KCNQ4: variants seen among roughly 807,000 people sequenced by gnomAD.
KCNQ4 encodes the protein potassium voltage-gated channel subfamily KQT member 4.
A neutral mutation model predicts 72.6 loss-of-function variants in KCNQ4; 31 were observed. The observed-to-expected ratio is 0.43, with a 90% CI of 0.32 to 0.58. The LOEUF (loss-of-function observed/expected upper bound fraction) is 0.58, where lower values mean the gene tolerates loss of function less well. KCNQ4 is among the 20% of genes least tolerant of loss of function. The probability of loss-of-function intolerance (pLI) is 0.08; values close to 1 mark genes in which losing one functional copy is unlikely to be tolerated. For missense variants in KCNQ4, 869 were observed against 962.6 expected, an observed-to-expected ratio of 0.90 and a Z score of 1.29; for synonymous variants, 405 against 403.7, an observed-to-expected ratio of 1.00 and a Z score of -0.04.
At chr1:40,815,244 A>AAG (rs1648047969) in intron 1 of KCNQ4, among the ~76,000 whole-genome samples, 1 of 151,872 alleles carries the variant, frequency 6.6e-6, no homozygotes, top group African/African-American at 2.4e-5. Context: ...ATCTCAAAAA[A>AAG]AAAAAAAAGC....
intron 1 of KCNQ4, among the ~76,000 whole-genome samples, chr1:40,791,115 G>A (rs1647274821): frequency 6.6e-6 from 1 of 152,158 alleles, no homozygotes; most frequent in Non-Finnish European, 1.5e-5. Context: ...TGAGGGCAGG[G>A]AATCCCAAGG....
At position 40,822,414 on chromosome 1, in the gene KCNQ4, T is replaced by C; in HGVS notation, c.1130+12T>C. 7.8e-6 allele frequency: 1 copy of C among 129,020 alleles called. No homozygotes were observed. Among genetic ancestry groups the C allele is most frequent in the South Asian group, 5.0e-5 (1 of 20,058 alleles). The allele number at this position is 129,020 out of a possible 1,614,324, so 8.0% of individuals were successfully genotyped here. A position where few individuals can be genotyped will look rare whatever the true frequency, so the allele number is the denominator to read the frequency against. On this transcript the variant is annotated intron_variant, in intron 8 of 13. Coordinates refer to ENST00000347132, the MANE Select transcript of KCNQ4 (RefSeq NM_004700.4). ...CTCCCATCCTTCAGGTAGGTCCTGC[T>C]GGGGGTGGGGGTGGGTGGGGGGCTG...
chr1:40,813,633 A>C (rs980645275), intron 1 of KCNQ4, among the ~76,000 whole-genome samples: 1 of 152,196 alleles, frequency 6.6e-6, no homozygotes, highest in African/African-American at 2.4e-5. Flanking sequence ...ATTTGGACAC[A>C]CGAGCTGGAC....
intron 1 of KCNQ4, among the ~76,000 whole-genome samples, chr1:40,797,798 A>C (rs566111237): frequency 2.6e-5 from 4 of 152,116 alleles, no homozygotes; most frequent in African/African-American, 7.2e-5. Flanking sequence ...GACTTTGCCT[A>C]TAGGGAAAGT....
chr1:40,802,398 G>A (rs1408532522), intron 1 of KCNQ4, among the ~76,000 whole-genome samples: 1 of 152,198 alleles, frequency 6.6e-6, no homozygotes, highest in Non-Finnish European at 1.5e-5. Flanking sequence ...AAAAGTAGCC[G>A]GCCGGGCGGG....
chr1:40,831,026 C>T, intron 9 of KCNQ4, 58 bp from the exon 10 acceptor site: 1 of 1,460,418 alleles, frequency 6.8e-7, no homozygotes, highest in Non-Finnish European at 9.4e-7. Flanking sequence ...TGTCCCCACT[C>T]ACCCCCACCC....
At chr1:40,822,877 G>A (rs1394911662) in intron 8 of KCNQ4, among the ~76,000 whole-genome samples, 1 of 152,230 alleles carries the variant, frequency 6.6e-6, no homozygotes, top group Non-Finnish European at 1.5e-5. Context: ...TACTGGGCCA[G>A]TCAGCAGCCT....
chr1:40,804,511 T>C (rs1007415904), intron 1 of KCNQ4, among the ~76,000 whole-genome samples: 1 of 152,174 alleles, frequency 6.6e-6, no homozygotes, highest in Non-Finnish European at 1.5e-5. Flanking sequence ...CCACTTCCGC[T>C]TCCCCTCATA....
rs1257741470 is a variant in KCNQ4, at chr1:40,819,442, C to T, written c.804C>T (p.Ser268=). The T allele has an allele frequency of 2.5e-6, 4 of 1,613,896 alleles. No homozygotes were observed. In the South Asian group the frequency reaches 3.3e-5, roughly 13 times the overall value. Residue 268 remains serine (S), a synonymous_variant, in exon 5 of 14, where the codon TCC becomes TCT. Coordinates refer to ENST00000347132, the MANE Select transcript of KCNQ4 (RefSeq NM_004700.4). ...AGAAGGACGCCAACTCCGACTTCTC[C>T]TCCTACGCCGACTCGCTCTGGTGGG... ...LAEKDANSDF[S]SYADSLWWGT...
In KCNQ4 at chr1:40,794,831, C is replaced by G. The variant is rs948946679; in HGVS notation, c.314+10424C>G. 6.6e-6 allele frequency among the ~76,000 whole-genome samples: 1 copy of G among 152,114 alleles called. No homozygotes were observed. The highest frequency in any genetic ancestry group is 1.5e-5 in the Non-Finnish European group (1 of 68,032). On this transcript the variant is annotated intron_variant, in intron 1 of 13. Transcript: ENST00000347132. This position sits in a 1 kb window ranked among gnomAD's most constrained non-coding sequence, Gnocchi z 4.2. ...AAATCCCTGAGTCTGGGCGCCATCC[C>G]GGCTCCTCCCCACTGAGCTGTGGAG...
At chr1:40,833,466 G>A (rs1024821257) in intron 11 of KCNQ4, among the ~76,000 whole-genome samples, 4 of 152,060 alleles carry the variant, frequency 2.6e-5, no homozygotes, top group Non-Finnish European at 5.9e-5. Flanking sequence ...GAAAGCCCCT[G>A]CTCTACTGGC....
At chr1:40,822,483 G>C in intron 8 of KCNQ4, 81 bp downstream of exon 8, 2 of 1,204,352 alleles carry the variant, frequency 1.7e-6, no homozygotes, top group Non-Finnish European at 2.4e-6. Flanking sequence ...CTCAACCCTG[G>C]AGGGTGGAAA....
rs914603518 is a variant in KCNQ4, at chr1:40,808,103, T to C, written c.315-9162T>C. ...ACACAGGCAACAGAGCAAGACCCTG[T>C]CTCAAAAGAAAAGAAATCAGGGAAA... On this transcript the variant is annotated intron_variant, in intron 1 of 13. Transcript: ENST00000347132. Among the ~76,000 whole-genome samples, 48 of 151,232 alleles carry C rather than the reference T, an allele frequency of 3.2e-4. No individual in the cohort carries two copies. In the Middle Eastern group the frequency reaches 0.014, roughly 43 times the overall value.
intron 1 of KCNQ4, among the ~76,000 whole-genome samples, chr1:40,790,372 G>C (rs1647259906): frequency 6.6e-6 from 1 of 152,240 alleles, no homozygotes; most frequent in East Asian, 1.9e-4. Flanking sequence ...CCTCCGGGGA[G>C]AGGTGTGGTA....
intron 1 of KCNQ4, among the ~76,000 whole-genome samples, chr1:40,812,505 C>T (rs1263509997): frequency 6.6e-6 from 1 of 152,172 alleles, no homozygotes; most frequent in Admixed American, 6.5e-5. Flanking sequence ...TCAAGCAATC[C>T]TCCCACCTTG....
intron 9 of KCNQ4, chr1:40,826,658 G>T (rs1016865051): frequency 2.2e-6 from 1 of 455,936 alleles, no homozygotes; most frequent in East Asian, 7.0e-5. Flanking sequence ...AATAATAAAC[G>T]GAGTTTCTTT....
intron 10 of KCNQ4, among the ~76,000 whole-genome samples, chr1:40,831,782 G>A (rs954438221): frequency 4.6e-5 from 7 of 152,180 alleles, no homozygotes; most frequent in East Asian, 1.9e-4. Flanking sequence ...CTTTGGAAGC[G>A]GCAGGAATGC....
intron 1 of KCNQ4, among the ~76,000 whole-genome samples, chr1:40,800,460 C>T (rs1285306488): frequency 6.6e-6 from 1 of 152,162 alleles, no homozygotes; most frequent in African/African-American, 2.4e-5. Flanking sequence ...AATATTTAGA[C>T]TTATGGTATG....
chr1:40,804,569 A>G (rs1042430946), intron 1 of KCNQ4, among the ~76,000 whole-genome samples: 2 of 152,176 alleles, frequency 1.3e-5, no homozygotes, highest in Non-Finnish European at 2.9e-5. Context: ...TAAGCCCAGC[A>G]CTTTGGGAGA....
Sources: allele counts gnomAD v4.1 joint callset (sites outside exome capture counted in the v4.1 genomes callset), GRCh38; gene constraint gnomAD v4.1.1; non-coding constraint Gnocchi (gnomAD v3.1); transcripts MANE v1.5; gene names NCBI Gene and HGNC (gene_info 2026-07-23, HGNC 2026-07-21).